Variants in CLDN10 observed in about 807,000 individuals in gnomAD.
CLDN10 encodes the protein claudin 10.
In CLDN10, 15 loss-of-function variants were observed where a neutral mutation model predicts 22.9. The observed-to-expected ratio is 0.65, with a 90% CI of 0.44 to 1.01. The LOEUF is 1.01. Ranked by LOEUF, CLDN10 falls within the 50% of genes least tolerant of loss-of-function variation. The pLI, the probability that CLDN10 is intolerant of heterozygous loss-of-function variation, is 0.00. For missense variants in CLDN10, 247 were observed against 287.8 expected, an observed-to-expected ratio of 0.86 and a Z score of 1.03; for synonymous variants, 114 against 111.4, an observed-to-expected ratio of 1.02 and a Z score of -0.15.
chr13:95,563,979 G>A (rs2043751374), intron 3 of CLDN10, among the ~76,000 whole-genome samples: 1 of 152,192 alleles, frequency 6.6e-6, no homozygotes, highest in Non-Finnish European at 1.5e-5. Flanking sequence ...TCTAGGGATA[G>A]CACTTCTCTG....
intron 3 of CLDN10, among the ~76,000 whole-genome samples, chr13:95,563,095 A>ACTCTCCCTCTCTCT (rs2043737757): frequency 7.8e-6 from 1 of 128,066 alleles, no homozygotes; most frequent in Non-Finnish European, 1.6e-5. Flanking sequence ...CTGCCTACCC[A>ACTCTCCCTCTCTCT]CTCTCTCTCT....
intron 1 of CLDN10, among the ~76,000 whole-genome samples, chr13:95,540,638 A>G (rs957519260): frequency 1.3e-5 from 2 of 152,240 alleles, no homozygotes; most frequent in African/African-American, 4.8e-5. Flanking sequence ...ACAAAATTGC[A>G]TGCTAGTTAG....
intron 1 of CLDN10, among the ~76,000 whole-genome samples, chr13:95,462,660 CA>C (rs1267446198): frequency 1.3e-5 from 2 of 152,098 alleles, no homozygotes; most frequent in African/African-American, 2.4e-5. Flanking sequence ...CCAGAACACA[CA>C]AACCTGTTTG....
intron 1 of CLDN10, among the ~76,000 whole-genome samples, chr13:95,493,856 G>A (rs925112295): frequency 3.3e-5 from 5 of 152,022 alleles, no homozygotes; most frequent in African/African-American, 1.2e-4. Flanking sequence ...CACCATGCCC[G>A]GCCATATTTG....
chr13:95,475,171 G>A (rs914791359), intron 1 of CLDN10, among the ~76,000 whole-genome samples: 26 of 151,606 alleles, frequency 1.7e-4, no homozygotes, highest in African/African-American at 6.3e-4. Flanking sequence ...AGGATCAGAC[G>A]GCAGCAGCTC....
intron 1 of CLDN10, among the ~76,000 whole-genome samples, chr13:95,531,696 ATT>A (rs554517238): frequency 2.4e-4 from 33 of 137,642 alleles, no homozygotes; most frequent in African/African-American, 5.3e-4. Flanking sequence ...CGCCTGGCTA[ATT>A]TTTTTTTTTT....
chr13:95,566,265 C>T (rs1030399681), intron 3 of CLDN10, among the ~76,000 whole-genome samples: 1 of 152,226 alleles, frequency 6.6e-6, no homozygotes, highest in Non-Finnish European at 1.5e-5. Context: ...ATTCCTATTT[C>T]TCCACATCCT....
At chr13:95,437,962 G>A (rs1271034088) in intron 1 of CLDN10, among the ~76,000 whole-genome samples, 1 of 152,190 alleles carries the variant, frequency 6.6e-6, no homozygotes, top group Non-Finnish European at 1.5e-5. Flanking sequence ...TCGCCACCTG[G>A]CAGTAGAAGT....
At chr13:95,549,792 T>C (rs113795672), upstream of CLDN10, among the ~76,000 whole-genome samples, 51 of 152,346 alleles carry the variant, frequency 3.3e-4, no homozygotes, top group African/African-American at 1.2e-3. Flanking sequence ...GACCCTAGTC[T>C]GTTTTAGCTG....
At chr13:95,575,224 G>C (rs950622093) in intron 3 of CLDN10, among the ~76,000 whole-genome samples, 1 of 152,202 alleles carries the variant, frequency 6.6e-6, no homozygotes, top group African/African-American at 2.4e-5. Flanking sequence ...GAGAAAAATA[G>C]AAAGCGTTAT....
chr13:95,463,284 TAATATATATATA>T (rs1438810632), intron 1 of CLDN10, among the ~76,000 whole-genome samples: 2 of 32,586 alleles, frequency 6.1e-5, no homozygotes, highest in African/African-American at 1.9e-4. Flanking sequence ...TGCAAATGCT[TAATATATATATA>T]TATATATATA....
At chr13:95,563,721 T>C (rs1422608355) in intron 3 of CLDN10, among the ~76,000 whole-genome samples, 1 of 152,152 alleles carries the variant, frequency 6.6e-6, no homozygotes, top group Non-Finnish European at 1.5e-5. Flanking sequence ...CCCACAATGA[T>C]AGAAAAGGGG....
At chr13:95,485,302 C>T (rs1381565633) in intron 1 of CLDN10, among the ~76,000 whole-genome samples, 2 of 151,654 alleles carry the variant, frequency 1.3e-5, no homozygotes, top group African/African-American at 4.8e-5. Context: ...AGGAGGGTTG[C>T]TTGGCTAGAG....
intron 3 of CLDN10, among the ~76,000 whole-genome samples, chr13:95,573,169 T>G (rs1193395327): frequency 6.6e-6 from 1 of 152,236 alleles, no homozygotes; most frequent in East Asian, 1.9e-4. Context: ...TGTTTTAATT[T>G]CTGTTAGAAG....
upstream of CLDN10, among the ~76,000 whole-genome samples, chr13:95,550,104 T>G (rs1277419979): frequency 2.0e-5 from 3 of 152,188 alleles, no homozygotes. Flanking sequence ...CCCCCAGAGA[T>G]TCTGGCTTCA....
At chr13:95,570,852 A>C in intron 3 of CLDN10, among the ~76,000 whole-genome samples, 1 of 66,074 alleles carries the variant, frequency 1.5e-5, no homozygotes. Context: ...ACACACATAT[A>C]CGTGTGTATA....
chr13:95,516,045 G>A (rs1488062816), intron 1 of CLDN10, among the ~76,000 whole-genome samples: 2 of 151,184 alleles, frequency 1.3e-5, no homozygotes, highest in African/African-American at 4.9e-5. Context: ...CTGCACTCCA[G>A]CCTGGGTGAT....
chr13:95,479,710 A>G (rs972726788), intron 1 of CLDN10: 2 of 152,226 alleles, frequency 1.3e-5, no homozygotes, highest in Non-Finnish European at 2.9e-5. Context: ...CATCTTACAG[A>G]TAAGAAAACA....
intron 1 of CLDN10, among the ~76,000 whole-genome samples, chr13:95,505,537 T>C (rs539317797): frequency 6.6e-6 from 1 of 152,336 alleles, no homozygotes; most frequent in African/African-American, 2.4e-5. Context: ...GTGCCTTATC[T>C]GAAGGGTATT....
Sources: allele counts gnomAD v4.1 joint callset (sites outside exome capture counted in the v4.1 genomes callset), GRCh38; gene constraint gnomAD v4.1.1; transcripts MANE v1.5; gene names NCBI Gene and HGNC (gene_info 2026-07-23, HGNC 2026-07-21).